The following CBLB variants were observed in gnomAD, a reference collection of about 807,000 sequenced individuals.
The protein encoded by CBLB is E3 ubiquitin-protein ligase CBL-B.
In CBLB, 31 loss-of-function variants were observed where a neutral mutation model predicts 104.9. The observed-to-expected ratio is 0.30, with a 90% CI of 0.22 to 0.40. The LOEUF is 0.40. Among genes scored for constraint, CBLB ranks in the 10% least tolerant of loss-of-function variants. CBLB has a pLI of 1.00. For synonymous variants in CBLB, 440 were observed against 422.6 expected (o/e 1.04, Z -0.51); for missense variants, 1,062 against 1,214.6 (o/e 0.87, Z 1.87).
intron 3 of CBLB, among the ~76,000 whole-genome samples, chr3:105,780,086 CAGG>C (rs2079996701): frequency 1.3e-5 from 2 of 151,986 alleles, no homozygotes; most frequent in East Asian, 3.9e-4. Flanking sequence ...CTCCTGACCT[CAGG>C]TGATCTAACC....
intron 3 of CBLB, among the ~76,000 whole-genome samples, chr3:105,802,217 GT>G (rs2082959662): frequency 6.6e-6 from 1 of 152,156 alleles, no homozygotes; most frequent in Non-Finnish European, 1.5e-5. Flanking sequence ...TTTCCTTACT[GT>G]AGCTTTCATG....
intron 2 of CBLB, among the ~76,000 whole-genome samples, chr3:105,855,949 G>A (rs2091547551): frequency 6.6e-6 from 1 of 152,092 alleles, no homozygotes; most frequent in Non-Finnish European, 1.5e-5. Flanking sequence ...AAAAGTGCCT[G>A]GGACAAATAA....
intron 18 of CBLB, among the ~76,000 whole-genome samples, chr3:105,665,442 T>TATATACAC (rs1182735970): frequency 5.4e-4 from 36 of 67,158 alleles, no homozygotes; most frequent in East Asian, 2.6e-3. Flanking sequence ...TATATATATA[T>TATATACAC]ACACACACAC....
chr3:105,670,241 G>A lies in CBLB; in HGVS notation c.2681C>T (p.Ser894Leu). 1 of 1,613,070 alleles carries A rather than the reference G, an allele frequency of 6.2e-7. No individual in the cohort carries two copies. Among genetic ancestry groups the A allele is most frequent in the South Asian group, 1.1e-5 (1 of 91,064 alleles). ...GTTACTAGCCAACTCACCTGAACATGAAGGAAGCTGATCATAGTCCTGTGA... is the reference window on the plus strand; with the variant it reads ...GTTACTAGCCAACTCACCTGAACATAAAGGAAGCTGATCATAGTCCTGTGA... ...RTSQDYDQLP[S>L]CSDGSQAPAR... is the part of the protein sequence containing the mutation. The change falls in exon 18 of 19, where the codon TCA (serine) becomes TTA (leucine). Residue 894 changes from serine (S) to leucine (L), a missense_variant. Ser to Leu is a moderately radical substitution (Grantham distance 145). Coordinates refer to ENST00000394030, the MANE Select transcript of CBLB (RefSeq NM_170662.5).
intron 6 of CBLB, among the ~76,000 whole-genome samples, chr3:105,744,723 A>G (rs2075939589): frequency 6.6e-6 from 1 of 152,132 alleles, no homozygotes; most frequent in Non-Finnish European, 1.5e-5. Flanking sequence ...CGAGGTCAGG[A>G]GATCAAGACC....
chr3:105,733,666 T>C (rs550518236), intron 9 of CBLB, among the ~76,000 whole-genome samples: 4 of 152,208 alleles, frequency 2.6e-5, no homozygotes, highest in Non-Finnish European at 5.9e-5. Flanking sequence ...TACTATGGTT[T>C]ACTTGGCTTC....
At chr3:105,797,504 A>AC (rs1394644575) in intron 3 of CBLB, among the ~76,000 whole-genome samples, 10 of 152,138 alleles carry the variant, frequency 6.6e-5, no homozygotes, top group Admixed American at 6.5e-4. Flanking sequence ...TATGCTTATT[A>AC]CCTGGGTGAT....
chr3:105,729,919 C>T (rs983591818), intron 9 of CBLB, among the ~76,000 whole-genome samples: 3 of 152,070 alleles, frequency 2.0e-5, no homozygotes, highest in Admixed American at 2.0e-4. Context: ...AAAACAGATA[C>T]GCTAGTTGGC....
intron 3 of CBLB, among the ~76,000 whole-genome samples, chr3:105,799,286 A>G (rs569768391): frequency 3.5e-4 from 53 of 152,172 alleles, no homozygotes; most frequent in Admixed American, 1.2e-3. Context: ...AACAAAGGGC[A>G]GGAAAAAACA....
intron 3 of CBLB, among the ~76,000 whole-genome samples, chr3:105,815,983 CA>C (rs1340626080): frequency 6.6e-6 from 1 of 152,002 alleles, no homozygotes; most frequent in African/African-American, 2.4e-5. Flanking sequence ...TGTTCTCGCT[CA>C]TAAGTGGGAG....
At chr3:105,848,013 C>CACACAT (rs1250474537) in intron 3 of CBLB, among the ~76,000 whole-genome samples, 1 of 151,996 alleles carries the variant, frequency 6.6e-6, no homozygotes, top group Non-Finnish European at 1.5e-5. Flanking sequence ...ACCTTCTCTC[C>CACACAT]ACACATACAC....
intron 3 of CBLB, among the ~76,000 whole-genome samples, chr3:105,806,354 T>C (rs1206652932): frequency 1.3e-5 from 2 of 151,928 alleles, no homozygotes; most frequent in Non-Finnish European, 2.9e-5. Flanking sequence ...ATGAAACCTC[T>C]GGACGAGGAA....
intron 3 of CBLB, among the ~76,000 whole-genome samples, chr3:105,807,797 A>T (rs114700327): frequency 0.012 from 1,841 of 152,330 alleles, 13 homozygotes; most frequent in Middle Eastern, 0.027. Flanking sequence ...ATATCAGCAT[A>T]GAGCTGGAAA....
In CBLB at chr3:105,658,809, A is replaced by G; in HGVS notation, c.*161T>C. 1.4e-6 allele frequency: 1 copy of G among 718,402 alleles called. No homozygotes were observed. Among genetic ancestry groups the G allele is most frequent in the Non-Finnish European group, 2.3e-6 (1 of 427,516 alleles). 44.5% of individuals were successfully genotyped at this position (718,402 alleles called of 1,614,324 possible). A position where few individuals can be genotyped will look rare whatever the true frequency, so the allele number is the denominator to read the frequency against. ...AGCCACAGCTGTCGACATCCTGAGC[A>G]AGCATCGGTCTCCTTTGAGAAGCTG... On this transcript the variant is annotated 3_prime_UTR_variant, in exon 19 of 19. Transcript: ENST00000394030.
intron 2 of CBLB, among the ~76,000 whole-genome samples, chr3:105,866,587 T>C (rs1487332340): frequency 6.6e-6 from 1 of 152,228 alleles, no homozygotes; most frequent in Non-Finnish European, 1.5e-5. Flanking sequence ...AGCAGCAAGC[T>C]ACATCTTAAA....
chr3:105,735,102 A>T (rs1166155203), intron 8 of CBLB, among the ~76,000 whole-genome samples: 1 of 152,360 alleles, frequency 6.6e-6, no homozygotes, highest in South Asian at 2.1e-4. Context: ...CCTGGCACGG[A>T]GTAGGATAAA....
At chr3:105,857,056 G>T (rs916404019) in intron 2 of CBLB, among the ~76,000 whole-genome samples, 7 of 152,248 alleles carry the variant, frequency 4.6e-5, no homozygotes, top group Admixed American at 2.0e-4. Context: ...ACATGTCACA[G>T]ACTGATACAT....
At chr3:105,802,415 G>A (rs2153020094) in intron 3 of CBLB, among the ~76,000 whole-genome samples, 1 of 152,270 alleles carries the variant, frequency 6.6e-6, no homozygotes, top group Middle Eastern at 3.4e-3. Flanking sequence ...GTATCTGTGA[G>A]CCAAAAGAGC....
At chr3:105,796,468 A>C (rs547802005) in intron 3 of CBLB, among the ~76,000 whole-genome samples, 54 of 152,342 alleles carry the variant, frequency 3.5e-4, no homozygotes, top group Admixed American at 1.3e-3. Context: ...CTTAAATGTA[A>C]AACCCAAAAC....
Sources: allele counts gnomAD v4.1 joint callset (sites outside exome capture counted in the v4.1 genomes callset), GRCh38; gene constraint gnomAD v4.1.1; transcripts MANE v1.5; gene names NCBI Gene and HGNC (gene_info 2026-07-23, HGNC 2026-07-21).